LRRC4C: variants seen among roughly 807,000 people sequenced by gnomAD.
LRRC4C encodes the protein leucine rich repeat containing 4C.
A neutral mutation model predicts 33.6 loss-of-function variants in LRRC4C; 5 were observed. That is an observed-to-expected ratio of 0.15 (90% confidence interval 0.08 to 0.31). The LOEUF (loss-of-function observed/expected upper bound fraction) is 0.31, where lower values mean the gene tolerates loss of function less well. LRRC4C is among the 10% of genes least tolerant of loss of function. The probability of loss-of-function intolerance (pLI) is 1.00; values close to 1 mark genes in which losing one functional copy is unlikely to be tolerated. For missense variants in LRRC4C, 560 were observed against 796.7 expected (o/e 0.70, Z 3.58); for synonymous variants, 329 against 302.0 (o/e 1.09, Z -0.93).
rs1958291660 is a variant in LRRC4C at position 40,578,140 on chromosome 11, GGTTTTTTTT to G, written c.-270+69993_-270+70001del. Among the ~76,000 whole-genome samples the G allele has an allele frequency of 6.4e-4, 26 of 40,568 alleles. 8 individuals carry two copies. Among genetic ancestry groups the G allele is most frequent in the African/African-American group, 3.2e-3 (23 of 7,094 alleles). The allele number at this position is 40,568 out of a possible 152,430, so 26.6% of individuals were successfully genotyped here. ...TGATATTATTGGACTTTTTTTTTTC[GGTTTTTTTT>G]TTTTTTTTTTTTTTTTTTTTTGCCT... On this transcript the variant is annotated intron_variant, in intron 3 of 6. Transcript: ENST00000528697.
At chr11:41,419,094 C>G (rs907506248) in intron 1 of LRRC4C, among the ~76,000 whole-genome samples, 1 of 151,808 alleles carries the variant, frequency 6.6e-6, no homozygotes, top group Non-Finnish European at 1.5e-5. Flanking sequence ...AGGCAAAGTA[C>G]AGATGGAACA....
intron 3 of LRRC4C, among the ~76,000 whole-genome samples, chr11:40,373,575 G>T (rs1808345688): frequency 2.0e-5 from 3 of 152,102 alleles, no homozygotes; most frequent in Admixed American, 2.0e-4. Flanking sequence ...TTGGATGTTT[G>T]TCCCCTGCCA....
rs1426419488 is a variant in LRRC4C at position 41,385,310 on chromosome 11, T to C, written c.-496+74121A>G. 4.0e-5 allele frequency among the ~76,000 whole-genome samples: 6 copies of C among 151,796 alleles called. No homozygotes were observed. The East Asian group carries it at 1.2e-3, about 29-fold the overall frequency. On this transcript the variant is annotated intron_variant, in intron 1 of 6. Transcript: ENST00000528697. ...CCAAATACTGCAGAATATACTCTTGTATTTCTTTCAATCAGATGTGTGCAT... is the reference window on the plus strand; with the variant it reads ...CCAAATACTGCAGAATATACTCTTGCATTTCTTTCAATCAGATGTGTGCAT...
intron 4 of LRRC4C, among the ~76,000 whole-genome samples, chr11:40,276,524 C>T (rs1425331205): frequency 6.6e-6 from 1 of 152,058 alleles, no homozygotes; most frequent in Non-Finnish European, 1.5e-5. Context: ...TCAAACCATG[C>T]CCTGAATCTA....
chr11:40,368,423 C>A (rs1277931818), intron 3 of LRRC4C, among the ~76,000 whole-genome samples: 4 of 152,060 alleles, frequency 2.6e-5, no homozygotes, highest in Non-Finnish European at 5.9e-5. Flanking sequence ...GTACCATGAA[C>A]CTTCCATAAT....
chr11:41,024,834 T>C (rs1856230269), intron 1 of LRRC4C, among the ~76,000 whole-genome samples: 1 of 151,730 alleles, frequency 6.6e-6, no homozygotes, highest in Non-Finnish European at 1.5e-5. Flanking sequence ...GTTGGGCAAA[T>C]TTATTGGTGC....
intron 6 of LRRC4C, among the ~76,000 whole-genome samples, chr11:40,135,763 C>T (rs1190806524): frequency 1.3e-5 from 2 of 152,098 alleles, no homozygotes; most frequent in South Asian, 2.1e-4. Flanking sequence ...ATATTAGAGA[C>T]GTTGGGTGAT....
chr11:41,445,216 C>T (rs566570649), intron 1 of LRRC4C, among the ~76,000 whole-genome samples: 3 of 152,296 alleles, frequency 2.0e-5, no homozygotes, highest in African/African-American at 7.2e-5. Flanking sequence ...TCTTCCTTCC[C>T]ATGTTCCAGA....
At chr11:40,189,237 T>C (rs1159492388) in intron 5 of LRRC4C, among the ~76,000 whole-genome samples, 2 of 134,306 alleles carry the variant, frequency 1.5e-5, no homozygotes, top group African/African-American at 5.0e-5. Flanking sequence ...TAGAATCTGC[T>C]AGGTTCTTTT....
At chr11:40,549,492 T>C (rs965682405) in intron 3 of LRRC4C, among the ~76,000 whole-genome samples, 1 of 152,186 alleles carries the variant, frequency 6.6e-6, no homozygotes, top group South Asian at 2.1e-4. Flanking sequence ...CTAAATCAGA[T>C]GCTTACACAA....
intron 5 of LRRC4C, among the ~76,000 whole-genome samples, chr11:40,219,697 A>G (rs1864260597): frequency 6.7e-6 from 1 of 150,048 alleles, no homozygotes; most frequent in African/African-American, 2.4e-5. Context: ...GACATAGAGA[A>G]CAAAACAGTG....
chr11:41,349,581 G>A (rs1243886594), intron 1 of LRRC4C, among the ~76,000 whole-genome samples: 2 of 152,028 alleles, frequency 1.3e-5, no homozygotes, highest in Non-Finnish European at 2.9e-5. Context: ...AAATCATCCA[G>A]AAATGGAGCT....
intron 3 of LRRC4C, among the ~76,000 whole-genome samples, chr11:40,410,497 C>A (rs1950119319): frequency 6.6e-6 from 1 of 151,656 alleles, no homozygotes; most frequent in Non-Finnish European, 1.5e-5. Flanking sequence ...GATGATAGGT[C>A]TTTTCATGTT....
At position 40,333,827 on chromosome 11, in the gene LRRC4C, A is replaced by G. The variant is rs138651214; in HGVS notation, c.-269-14106T>C. Among the ~76,000 whole-genome samples the G allele has an allele frequency of 7.7e-3, 1,175 of 151,912 alleles. 10 individuals are homozygous for G. Among genetic ancestry groups the G allele is most frequent in the African/African-American group, 0.027 (1,104 of 41,446 alleles). On this transcript the variant is annotated intron_variant, in intron 3 of 6. Transcript: ENST00000528697. ...GATAATGATCAGATGAGTGACTTCA[A>G]TTGATTTCCAGTGGTCAGATCACCG...
intron 3 of LRRC4C, among the ~76,000 whole-genome samples, chr11:40,407,488 TC>T (rs1177799817): frequency 6.6e-6 from 1 of 152,112 alleles, no homozygotes; most frequent in Non-Finnish European, 1.5e-5. Flanking sequence ...AAAGGAAATC[TC>T]CCTGAAAGTC....
chr11:41,179,753 A>C (rs930914727), intron 1 of LRRC4C, among the ~76,000 whole-genome samples: 1 of 152,230 alleles, frequency 6.6e-6, no homozygotes, highest in Non-Finnish European at 1.5e-5. Flanking sequence ...CTGTTAAGTA[A>C]GCTCTAGTCA....
intron 5 of LRRC4C, among the ~76,000 whole-genome samples, chr11:40,204,001 C>A: frequency 6.6e-6 from 1 of 152,280 alleles, no homozygotes; most frequent in South Asian, 2.1e-4. Flanking sequence ...TAGCTCACTG[C>A]AGCCTCAAAC....
At chr11:40,317,885 G>A (rs1474065669) in intron 4 of LRRC4C, among the ~76,000 whole-genome samples, 3 of 152,092 alleles carry the variant, frequency 2.0e-5, no homozygotes, top group African/African-American at 7.2e-5. Flanking sequence ...ATTCTCTGCA[G>A]CAGCAGCAAC....
At position 40,193,838 on chromosome 11, in the gene LRRC4C, A is replaced by G. The variant is rs542443465; in HGVS notation, c.-96+47681T>C. Reference sequence around the variant, plus strand: ...CAAGTATCAATAGCTGAATCGATCAAGTGGAAGAAAGGATATCCGAGATTG... The same window carrying G: ...CAAGTATCAATAGCTGAATCGATCAGGTGGAAGAAAGGATATCCGAGATTG... On this transcript the variant is annotated intron_variant, in intron 5 of 6. Coordinates refer to ENST00000528697, the MANE Select transcript of LRRC4C (RefSeq NM_001258419.2). 7.9e-5 allele frequency among the ~76,000 whole-genome samples: 12 copies of G among 152,274 alleles called. No individual in the cohort carries two copies. In the South Asian group the frequency reaches 2.5e-3, roughly 32 times the overall value.
Sources: allele counts gnomAD v4.1 joint callset (sites outside exome capture counted in the v4.1 genomes callset), GRCh38; gene constraint gnomAD v4.1.1; transcripts MANE v1.5; gene names NCBI Gene and HGNC (gene_info 2026-07-23, HGNC 2026-07-21).